Variants in SNX29 observed in about 807,000 individuals in gnomAD.
SNX29 encodes sorting nexin 29, also known as sorting nexin-29.
Under a neutral mutation model 102.1 loss-of-function variants are expected in SNX29, and 78 were observed. That is an observed-to-expected ratio of 0.76 (90% CI 0.64 to 0.92). The LOEUF (loss-of-function observed/expected upper bound fraction) is 0.92, where lower values mean the gene tolerates loss of function less well. Among genes scored for constraint, SNX29 ranks in the 40% least tolerant of loss-of-function variants. The pLI, the probability that SNX29 is intolerant of heterozygous loss-of-function variation, is 0.00. For synonymous variants in SNX29, 580 were observed against 414.5 expected (o/e 1.40, Z -4.85); for missense variants, 1,280 against 1,061.7 (o/e 1.21, Z -2.86).
intron 20 of SNX29, among the ~76,000 whole-genome samples, chr16:12,558,413 G>A (rs962765130): frequency 6.6e-6 from 1 of 152,208 alleles, no homozygotes. Flanking sequence ...CCTTGAAGTG[G>A]TGAAAGCTGA....
rs138822878 is a variant in SNX29, at chr16:12,479,893, C to G, written c.2178+2034C>G. On this transcript the variant is annotated intron_variant, in intron 19 of 20. Coordinates refer to ENST00000566228, the MANE Select transcript of SNX29 (RefSeq NM_032167.5). ...AATGAGGGGATTTGGAAGGGGAAAA[C>G]TCTTAGGTTGTGGCTTAACATTGTC... is the stretch of plus-strand genomic sequence containing the variant. Among the ~76,000 whole-genome samples the G allele has an allele frequency of 3.5e-3, 539 of 152,214 alleles. 3 individuals carry two copies. The highest frequency in any genetic ancestry group is 0.012 in the African/African-American group (499 of 41,514).
chr16:12,519,891 C>T (rs985761794), intron 19 of SNX29, among the ~76,000 whole-genome samples: 2 of 152,022 alleles, frequency 1.3e-5, no homozygotes, highest in Non-Finnish European at 2.9e-5. Flanking sequence ...CCCTGTAGTC[C>T]CAGCTACTTG....
In SNX29 at chr16:12,104,575, C is replaced by CA. The variant is rs150676036; in HGVS notation, c.1403-22046dup. The stretch of plus-strand genomic sequence containing the variant: ...CATCTCAAACAAACAAACAAATAAA[C>CA]AAAAAAAAAAAACCCAAACCAAGAA... On this transcript the variant is annotated intron_variant, in intron 11 of 20. Transcript: ENST00000566228. 5.1e-3 allele frequency among the ~76,000 whole-genome samples: 722 copies of CA among 141,734 alleles called. 5 individuals carry two copies. The highest frequency in any genetic ancestry group is 0.022 in the East Asian group (109 of 4,940). The allele number at this position is 141,734 out of a possible 152,430, so 93.0% of individuals were successfully genotyped here.
chr16:12,109,362 C>G (rs909941852), intron 11 of SNX29, among the ~76,000 whole-genome samples: 1 of 152,082 alleles, frequency 6.6e-6, no homozygotes, highest in East Asian at 1.9e-4. Context: ...GGCCCACTCC[C>G]GTGGTACCCC....
intron 13 of SNX29, among the ~76,000 whole-genome samples, chr16:12,158,799 CG>C (rs920434832): frequency 5.9e-5 from 9 of 152,136 alleles, no homozygotes; most frequent in African/African-American, 2.2e-4. Context: ...TTGTGAAATG[CG>C]GATATGGGGA....
intron 3 of SNX29, among the ~76,000 whole-genome samples, chr16:12,015,267 G>C (rs561654538): frequency 1.3e-5 from 2 of 151,308 alleles, no homozygotes; most frequent in Non-Finnish European, 2.9e-5. Flanking sequence ...ATATTTTTTG[G>C]AGATGGTGTC....
rs1318139744 is a variant in SNX29 at position 12,149,012 on chromosome 16, TCATTAGTTCAC to T, written c.1595+19256_1595+19266del. Among the ~76,000 whole-genome samples, 7 of 152,314 alleles carry T rather than the reference TCATTAGTTCAC, an allele frequency of 4.6e-5. No homozygotes were observed. In the East Asian group the frequency reaches 1.4e-3, roughly 29 times the overall value. On this transcript the variant is annotated intron_variant, in intron 13 of 20. Coordinates refer to ENST00000566228, the MANE Select transcript of SNX29 (RefSeq NM_032167.5). ...CCACCACGCCCGGCCTGCCTTCGTCTCATTAGTTCACCGATAGATCTATTCCAAGGAGCCTG... is the reference window on the plus strand; with the variant it reads ...CCACCACGCCCGGCCTGCCTTCGTCTCGATAGATCTATTCCAAGGAGCCTG...
chr16:12,204,911 G>T (rs2077007362), intron 14 of SNX29, among the ~76,000 whole-genome samples: 1 of 151,428 alleles, frequency 6.6e-6, no homozygotes, highest in African/African-American at 2.4e-5. Context: ...TTGCCCTGGG[G>T]TGAGCCCAGT....
chr16:12,242,010 T>A (rs2078118948), intron 14 of SNX29, among the ~76,000 whole-genome samples: 1 of 152,064 alleles, frequency 6.6e-6, no homozygotes, highest in African/African-American at 2.4e-5. Flanking sequence ...CCAAGGAGGT[T>A]GCCCAGCTCT....
At chr16:12,464,242 G>GTGTGTGTGTGTGTGTGTT in intron 18 of SNX29, among the ~76,000 whole-genome samples, 1 of 151,960 alleles carries the variant, frequency 6.6e-6, no homozygotes, top group Admixed American at 6.5e-5. Context: ...GTGTGTGTGT[G>GTGTGTGTGTGTGTGTGTT]TGTACCACAT....
intron 16 of SNX29, among the ~76,000 whole-genome samples, chr16:12,361,380 A>C (rs2082295335): frequency 6.6e-6 from 1 of 152,202 alleles, no homozygotes; most frequent in African/African-American, 2.4e-5. Context: ...ATTTTTGGAG[A>C]GCAACGTCAG....
At chr16:12,414,768 C>G (rs2084556663) in intron 18 of SNX29, among the ~76,000 whole-genome samples, 1 of 152,172 alleles carries the variant, frequency 6.6e-6, no homozygotes, top group Non-Finnish European at 1.5e-5. Flanking sequence ...GTCTCCAAGG[C>G]TGGAGTGGAG....
At position 12,569,194 on chromosome 16, in the gene SNX29, C is replaced by G. The variant is rs2079132724; in HGVS notation, c.*565C>G. On this transcript the variant is annotated 3_prime_UTR_variant, in exon 21 of 21. Coordinates refer to ENST00000566228, the MANE Select transcript of SNX29 (RefSeq NM_032167.5). ...ACCAACAGTCATTAGACACCTGGCA[C>G]TGTCACAGCTCACTTTTCCAGAGGG... 1 of 215,838 alleles carries G rather than the reference C, an allele frequency of 4.6e-6. No homozygotes were observed. Among genetic ancestry groups the G allele is most frequent in the African/African-American group, 2.3e-5 (1 of 44,284 alleles). 13.4% of individuals were successfully genotyped at this position (215,838 alleles called of 1,614,324 possible). A position where few individuals can be genotyped will look rare whatever the true frequency, so the allele number is the denominator to read the frequency against.
At chr16:12,264,194 C>T (rs1054865701) in intron 14 of SNX29, among the ~76,000 whole-genome samples, 2 of 152,248 alleles carry the variant, frequency 1.3e-5, no homozygotes, top group African/African-American at 4.8e-5. Context: ...GTGCCTTTTG[C>T]AGTGTTGTGT....
At chr16:12,527,423 A>C (rs1415500788) in intron 20 of SNX29, 2 of 438,830 alleles carry the variant, frequency 4.6e-6, no homozygotes, top group South Asian at 4.1e-5. Context: ...TATTCTTATA[A>C]ATTTTGACAG....
intron 18 of SNX29, among the ~76,000 whole-genome samples, chr16:12,428,360 T>A (rs892305060): frequency 1.3e-5 from 2 of 152,154 alleles, no homozygotes; most frequent in African/African-American, 4.8e-5. Context: ...AAGATTAAAA[T>A]AAGGTAAGAC....
At chr16:12,525,329 T>TAA (rs61166841) in intron 20 of SNX29, among the ~76,000 whole-genome samples, 15 of 137,384 alleles carry the variant, frequency 1.1e-4, no homozygotes, top group Admixed American at 3.6e-4. Context: ...TTGAAAAAAG[T>TAA]AAAAAAAAAA....
At chr16:12,378,995 TTGAC>T (rs1396737377) in intron 16 of SNX29, among the ~76,000 whole-genome samples, 1 of 152,172 alleles carries the variant, frequency 6.6e-6, no homozygotes, top group Non-Finnish European at 1.5e-5. Flanking sequence ...GATATGCTGA[TTGAC>T]TGAAGTCAGT....
At chr16:12,482,675 T>C (rs1012272897) in intron 19 of SNX29, among the ~76,000 whole-genome samples, 10 of 152,224 alleles carry the variant, frequency 6.6e-5, no homozygotes, top group Non-Finnish European at 1.2e-4. Flanking sequence ...GCAGAATCCA[T>C]AGACCTAGAC....
Sources: gnomAD v4.1 joint callset for allele counts (sites outside exome capture counted in the v4.1 genomes callset) on GRCh38, gnomAD v4.1.1 for gene constraint, MANE v1.5 for transcripts, NCBI Gene and HGNC (gene_info 2026-07-23, HGNC 2026-07-21) for gene names.